Variants in STPG2 observed in about 807,000 individuals in gnomAD.
STPG2 encodes the protein sperm-tail PG-rich repeat-containing protein 2.
STPG2 carries 56 observed loss-of-function variants against 54.2 expected under a neutral mutation model. The ratio of observed to expected loss-of-function variants is 1.03; its 90% confidence interval spans 0.83 to 1.29. STPG2 has a LOEUF of 1.29. Ranked by LOEUF, STPG2 falls within the 50% of genes most tolerant of loss-of-function variation. The probability of loss-of-function intolerance (pLI) is 0.00; values close to 1 mark genes in which losing one functional copy is unlikely to be tolerated. For synonymous variants in STPG2, 200 were observed against 181.8 expected, an observed-to-expected ratio of 1.10 and a Z score of -0.81; for missense variants, 596 against 544.9, an observed-to-expected ratio of 1.09 and a Z score of -0.93.
At chr4:97,912,947 A>G (rs1369745970) in intron 8 of STPG2, among the ~76,000 whole-genome samples, 2 of 152,222 alleles carry the variant, frequency 1.3e-5, no homozygotes, top group African/African-American at 4.8e-5. Flanking sequence ...TCTAAAGAGG[A>G]AAGAGATACC....
chr4:97,749,241 A>G (rs981603520), intron 9 of STPG2, among the ~76,000 whole-genome samples: 3 of 151,754 alleles, frequency 2.0e-5, no homozygotes, highest in Non-Finnish European at 4.4e-5. Context: ...GGAAACTTTT[A>G]GCCAAAATAA....
chr4:97,715,778 G>A (rs1356008425), intron 9 of STPG2, among the ~76,000 whole-genome samples: 1 of 152,062 alleles, frequency 6.6e-6, no homozygotes, highest in Non-Finnish European at 1.5e-5. Flanking sequence ...CAGGACATAG[G>A]CATGGGCAAA....
chr4:97,532,018 C>A (rs983219150), intron 4 of STPG2, among the ~76,000 whole-genome samples: 1 of 151,890 alleles, frequency 6.6e-6, no homozygotes, highest in Non-Finnish European at 1.5e-5. Flanking sequence ...CAAAAAAATA[C>A]AAATTAAAAG....
intron 3 of STPG2, among the ~76,000 whole-genome samples, chr4:98,123,385 G>T (rs1739740550): frequency 1.3e-5 from 2 of 152,094 alleles, no homozygotes; most frequent in Admixed American, 6.5e-5. Context: ...CTGGTACATT[G>T]TCTCTTTGTT....
chr4:97,930,061 G>A (rs1332545390), intron 8 of STPG2, among the ~76,000 whole-genome samples: 1 of 152,004 alleles, frequency 6.6e-6, no homozygotes, highest in Admixed American at 6.6e-5. Flanking sequence ...ACCACGCCCA[G>A]CTAATTTTTG....
Position 97,765,170 on chromosome 4 carries a change from G to A in STPG2, c.1205-52356C>T, listed in dbSNP as rs1410447491. Among the ~76,000 whole-genome samples, 4 of 152,078 alleles carry A rather than the reference G, an allele frequency of 2.6e-5. 1 individual carries two copies. The highest frequency in any genetic ancestry group is 9.7e-5 in the African/African-American group (4 of 41,418). On this transcript the variant is annotated intron_variant, in intron 9 of 10. Transcript: ENST00000295268. ...TATTCAATACAATTGCTGAAGAGAT[G>A]TTAAAATCTTGGACTGAATAATGCA...
At chr4:97,857,881 T>G (rs569810136) in intron 8 of STPG2, among the ~76,000 whole-genome samples, 2 of 152,150 alleles carry the variant, frequency 1.3e-5, no homozygotes, top group Admixed American at 6.5e-5. Context: ...TTTCTAGAGT[T>G]GAAACATGCA....
chr4:98,130,000 G>T (rs1469343789), intron 2 of STPG2, among the ~76,000 whole-genome samples: 1 of 151,586 alleles, frequency 6.6e-6, no homozygotes, highest in Non-Finnish European at 1.5e-5. Flanking sequence ...TGGGATTACA[G>T]GCACATGCCA....
chr4:98,058,479 G>A (rs1323681236), intron 5 of STPG2, among the ~76,000 whole-genome samples: 1 of 152,120 alleles, frequency 6.6e-6, no homozygotes, highest in African/African-American at 2.4e-5. Context: ...ATTACATAAT[G>A]GTAAAGGGTT....
chr4:97,646,372 T>G (rs2148949653), intron 10 of STPG2, among the ~76,000 whole-genome samples: 1 of 152,262 alleles, frequency 6.6e-6, no homozygotes, highest in East Asian at 1.9e-4. Flanking sequence ...AGCGGCCACT[T>G]AATATTTTTC....
intron 6 of STPG2, among the ~76,000 whole-genome samples, chr4:97,977,617 A>C (rs1450260093): frequency 6.6e-6 from 1 of 152,224 alleles, no homozygotes; most frequent in Admixed American, 6.5e-5. Context: ...GGCCCAGATC[A>C]ATCTGTAAAG....
intron 4 of STPG2, among the ~76,000 whole-genome samples, chr4:97,452,469 C>T (rs1231915057): frequency 1.3e-5 from 2 of 152,246 alleles, no homozygotes; most frequent in East Asian, 3.9e-4. Flanking sequence ...CTTGTGGTGC[C>T]TCTTCTGGGC....
intron 8 of STPG2, among the ~76,000 whole-genome samples, chr4:97,942,561 G>C (rs891214875): frequency 4.0e-5 from 6 of 151,854 alleles, no homozygotes. Context: ...CTACATCTCA[G>C]ATTCCAATAA....
chr4:97,936,633 A>G (rs1005391354), intron 8 of STPG2, among the ~76,000 whole-genome samples: 1 of 152,134 alleles, frequency 6.6e-6, no homozygotes, highest in Non-Finnish European at 1.5e-5. Flanking sequence ...TCCTTCACTT[A>G]TAAGGCTTAG....
At chr4:98,076,552 G>C (rs887574013) in intron 5 of STPG2, among the ~76,000 whole-genome samples, 3 of 152,080 alleles carry the variant, frequency 2.0e-5, no homozygotes, top group Admixed American at 1.3e-4. Context: ...GTTGAGATTG[G>C]TCATGTGTGA....
chr4:97,683,230 T>C (rs900920048), intron 10 of STPG2, among the ~76,000 whole-genome samples: 4 of 151,800 alleles, frequency 2.6e-5, no homozygotes, highest in African/African-American at 9.7e-5. Context: ...TTCTAAATGA[T>C]GCATACATAG....
intron 5 of STPG2, among the ~76,000 whole-genome samples, chr4:97,993,580 G>C (rs778641619): frequency 6.6e-6 from 1 of 150,710 alleles, no homozygotes; most frequent in African/African-American, 2.5e-5. Context: ...CCTGGTTTTA[G>C]CATTAGGGTG....
intron 7 of STPG2, among the ~76,000 whole-genome samples, chr4:97,946,281 G>C (rs111713518): frequency 0.012 from 1,755 of 152,112 alleles, 29 homozygotes; most frequent in African/African-American, 0.04. Context: ...GTTCCTTGTA[G>C]ATTCTGCATA....
intron 5 of STPG2, among the ~76,000 whole-genome samples, chr4:98,002,494 C>G (rs1200273759): frequency 6.6e-6 from 1 of 151,932 alleles, no homozygotes; most frequent in Non-Finnish European, 1.5e-5. Flanking sequence ...AGTAGCTCAG[C>G]TGGCCAGATG....
Sources: gnomAD v4.1 joint callset for allele counts (sites outside exome capture counted in the v4.1 genomes callset) on GRCh38, gnomAD v4.1.1 for gene constraint, MANE v1.5 for transcripts, NCBI Gene and HGNC (gene_info 2026-07-23, HGNC 2026-07-21) for gene names.